The following JARID2 variants were observed in gnomAD, a reference collection of about 807,000 sequenced individuals.
The protein encoded by JARID2 is protein Jumonji.
A neutral mutation model predicts 125.6 loss-of-function variants in JARID2; 21 were observed. The ratio of observed to expected loss-of-function variants is 0.17; its 90% CI spans 0.12 to 0.24. The LOEUF (loss-of-function observed/expected upper bound fraction) is 0.24. Among genes scored for constraint, JARID2 ranks in the 10% least tolerant of loss-of-function variants. JARID2 has a pLI of 1.00. For synonymous variants in JARID2, 736 were observed against 661.6 expected, an observed-to-expected ratio of 1.11 and a Z score of -1.73; for missense variants, 1,303 against 1,639.6, an observed-to-expected ratio of 0.79 and a Z score of 3.55.
At position 15,437,641 on chromosome 6, in the gene JARID2, G is replaced by GA. The variant is rs908871141; in HGVS notation, c.324-14355dup. The stretch of plus-strand genomic sequence containing the variant: ...GGATGAAAGACAGATTAGCAACAGG[G>GA]AAAAAAAAAACAGATTTAGTTGAGT... On this transcript the variant is annotated intron_variant, in intron 3 of 17. Transcript: ENST00000341776. 1.0e-3 allele frequency among the ~76,000 whole-genome samples: 147 copies of GA among 147,616 alleles called. 1 individual carries two copies. The highest frequency in any genetic ancestry group is 4.0e-3 in the Admixed American group (59 of 14,828).
Position 15,466,447 on chromosome 6 carries a change from T to A in JARID2, c.494-2095T>A, listed in dbSNP as rs542856380. Among the ~76,000 whole-genome samples the A allele has an allele frequency of 2.6e-5, 4 of 152,390 alleles. No individual in the cohort carries two copies. In the South Asian group the frequency reaches 8.3e-4, roughly 32 times the overall value. ...TTTATCTGGGAGGAACTATTTAACCTATCCCATCTCCTTTTAGAAGAGGGA... is the reference window on the plus strand; with the variant it reads ...TTTATCTGGGAGGAACTATTTAACCAATCCCATCTCCTTTTAGAAGAGGGA... On this transcript the variant is annotated intron_variant, in intron 4 of 17. Coordinates refer to ENST00000341776, the MANE Select transcript of JARID2 (RefSeq NM_004973.4).
Position 15,290,259 on chromosome 6 carries a change from C to G in JARID2, c.45+43675C>G, listed in dbSNP as rs115662260. 7.2e-3 allele frequency among the ~76,000 whole-genome samples: 1,104 copies of G among 152,280 alleles called. 14 individuals are homozygous for G. The highest frequency in any genetic ancestry group is 0.025 in the African/African-American group (1,045 of 41,548). ...TTCATTTCATTGCCAAATAATACTT[C>G]ATCGTATGGACATACCACAATTTAT... On this transcript the variant is annotated intron_variant, in intron 1 of 17. Transcript: ENST00000341776.
At position 15,380,023 on chromosome 6, in the gene JARID2, T is replaced by TC. The variant is rs1764517013; in HGVS notation, c.181+5771_181+5772insC. 2.0e-5 allele frequency among the ~76,000 whole-genome samples: 3 copies of TC among 151,632 alleles called. No homozygotes were observed. The South Asian group carries it at 6.3e-4, about 32-fold the overall frequency. On this transcript the variant is annotated intron_variant, in intron 2 of 17. Transcript: ENST00000341776. ...TGGAAGGAGGTAAGTGGATTTTTTT[T>TC]TTTTTTGGTCGGGGGCCGGGGGTGA... is the stretch of plus-strand genomic sequence containing the variant.
chr6:15,332,922 T>G (rs1365493018), intron 1 of JARID2, among the ~76,000 whole-genome samples: 18 of 27,338 alleles, frequency 6.6e-4, no homozygotes, highest in African/African-American at 3.0e-3. Flanking sequence ...TACCCTTTCT[T>G]TTCTTTTCTT....
chr6:15,490,593 T>G (rs1331645363), intron 6 of JARID2, among the ~76,000 whole-genome samples: 1 of 152,252 alleles, frequency 6.6e-6, no homozygotes, highest in Non-Finnish European at 1.5e-5. Context: ...GTCTTTGTCA[T>G]GGAATGCACA....
intron 3 of JARID2, among the ~76,000 whole-genome samples, chr6:15,443,010 A>C (rs1325345162): frequency 6.6e-6 from 1 of 152,024 alleles, no homozygotes; most frequent in Non-Finnish European, 1.5e-5. Context: ...CATATCTTGT[A>C]GATATTTAGT....
intron 2 of JARID2, among the ~76,000 whole-genome samples, chr6:15,403,312 T>C (rs921444571): frequency 2.6e-5 from 4 of 152,202 alleles, no homozygotes; most frequent in Non-Finnish European, 5.9e-5. Context: ...TGTTGGAGCC[T>C]TTCAGTGAGC....
At chr6:15,269,574 T>A (rs1456216766) in intron 1 of JARID2, among the ~76,000 whole-genome samples, 14 of 71,366 alleles carry the variant, frequency 2.0e-4, no homozygotes, top group South Asian at 1.5e-3. Flanking sequence ...ATTTTAAAAT[T>A]TTTTTTTTTT....
intron 2 of JARID2, among the ~76,000 whole-genome samples, chr6:15,396,492 T>C (rs1192190040): frequency 1.3e-5 from 2 of 152,224 alleles, no homozygotes; most frequent in African/African-American, 2.4e-5. Flanking sequence ...AAAAAATTCA[T>C]GTAGAATACA....
Position 15,410,356 on chromosome 6 carries a change from C to A in JARID2, c.314C>A (p.Ser105Ter). The part of the protein sequence containing the change: ...VSSSDFEEGP[S>*]RKRPRLQAQR... Reference sequence around the variant, plus strand: ...TCTTCAGATTTTGAAGAAGGGCCGTCGAGGAAAAGGTTAGTACCCAAGGCT... The same window carrying A: ...TCTTCAGATTTTGAAGAAGGGCCGTAGAGGAAAAGGTTAGTACCCAAGGCT... The change falls in exon 3 of 18, where the codon TCG (serine) becomes TAG (stop). Residue 105 changes from serine to a stop codon, truncating the protein, a stop_gained. Transcript: ENST00000341776. LOFTEE classifies it high-confidence loss of function. 6.2e-7 allele frequency: 1 copy of A among 1,613,914 alleles called. No individual in the cohort carries two copies.
chr6:15,499,001 G>A (rs1046530870), intron 7 of JARID2, among the ~76,000 whole-genome samples: 15 of 152,140 alleles, frequency 9.9e-5, no homozygotes, highest in Admixed American at 7.2e-4. Context: ...TAGTGACAGC[G>A]CCTTTTGTTT....
At chr6:15,421,113 C>T (rs559005850) in intron 3 of JARID2, among the ~76,000 whole-genome samples, 1 of 152,224 alleles carries the variant, frequency 6.6e-6, no homozygotes, top group East Asian at 1.9e-4. Context: ...TCAACCCCGG[C>T]TCTGCTTGCC....
intron 5 of JARID2, among the ~76,000 whole-genome samples, chr6:15,486,543 G>A (rs949063480): frequency 6.6e-6 from 1 of 152,244 alleles, no homozygotes; most frequent in African/African-American, 2.4e-5. Flanking sequence ...CAGTAGGGTT[G>A]TTCTGAGGAT....
chr6:15,499,114 A>G (rs1285209829), intron 7 of JARID2, among the ~76,000 whole-genome samples: 2 of 151,814 alleles, frequency 1.3e-5, no homozygotes, highest in Non-Finnish European at 2.9e-5. Context: ...CCAGAAGTCT[A>G]AGGCGTCTGA....
At chr6:15,420,272 G>T (rs1217947916) in intron 3 of JARID2, among the ~76,000 whole-genome samples, 1 of 151,986 alleles carries the variant, frequency 6.6e-6, no homozygotes, top group South Asian at 2.1e-4. Flanking sequence ...GCGTGGTGGT[G>T]CGCATCTGTA....
At chr6:15,446,743 G>A (rs1199731883) in intron 3 of JARID2, among the ~76,000 whole-genome samples, 1 of 152,202 alleles carries the variant, frequency 6.6e-6, no homozygotes. Context: ...CAGCGGGGCT[G>A]ATTTTGGTTA....
chr6:15,400,937 A>C, intron 2 of JARID2: 1 of 1,289,306 alleles, frequency 7.8e-7, no homozygotes, highest in South Asian at 1.2e-5. Context: ...CTCTGCAATG[A>C]TCCGGCTCTG....
chr6:15,340,166 A>G (rs1482420196), intron 1 of JARID2, among the ~76,000 whole-genome samples: 4 of 152,222 alleles, frequency 2.6e-5, no homozygotes, highest in African/African-American at 9.6e-5. Flanking sequence ...CTCAGATGCC[A>G]TGTTCTAATG....
At position 15,247,592 on chromosome 6, in the gene JARID2, G is replaced by A. The variant is rs909262621; in HGVS notation, c.45+1008G>A. On this transcript the variant is annotated intron_variant, in intron 1 of 17. Coordinates refer to ENST00000341776, the MANE Select transcript of JARID2 (RefSeq NM_004973.4). ...CCTTAGGAATAATGCAACGTAAGAG[G>A]AAAGTTTATTTAAGTTGGGTAGACA... The A allele has an allele frequency of 3.0e-6, 3 of 984,780 alleles. No homozygotes were observed. In the African/African-American group the frequency reaches 5.2e-5, roughly 17 times the overall value. The allele number at this position is 984,780 out of a possible 1,614,324, so 61.0% of individuals were successfully genotyped here. A position where few individuals can be genotyped will look rare whatever the true frequency, so the allele number is the denominator to read the frequency against.
Sources: allele counts gnomAD v4.1 joint callset (sites outside exome capture counted in the v4.1 genomes callset), GRCh38; gene constraint gnomAD v4.1.1; transcripts MANE v1.5; gene names NCBI Gene and HGNC (gene_info 2026-07-23, HGNC 2026-07-21).